CAMK2B: variants seen among roughly 807,000 people sequenced by gnomAD.
CAMK2B encodes calcium/calmodulin dependent protein kinase II beta.
A neutral mutation model predicts 93.7 loss-of-function variants in CAMK2B; 27 were observed. The observed-to-expected ratio is 0.29, with a 90% CI of 0.21 to 0.40. CAMK2B has a LOEUF of 0.40. Among genes scored for constraint, CAMK2B ranks in the 10% least tolerant of loss-of-function variants. The probability of loss-of-function intolerance (pLI) is 1.00; values close to 1 mark genes in which losing one functional copy is unlikely to be tolerated. For missense variants in CAMK2B, 568 were observed against 895.8 expected (o/e 0.63, Z 4.67); for synonymous variants, 374 against 358.8 (o/e 1.04, Z -0.48).
At position 44,237,646 on chromosome 7, in the gene CAMK2B, C is replaced by T. The variant is rs78384865; in HGVS notation, c.1021+1943G>A. Among the ~76,000 whole-genome samples the T allele has an allele frequency of 4.5e-3, 682 of 152,002 alleles. 6 individuals are homozygous for T. The highest frequency in any genetic ancestry group is 0.016 in the African/African-American group (657 of 41,436). On this transcript the variant is annotated intron_variant, in intron 13 of 23. Coordinates refer to ENST00000395749, the MANE Select transcript of CAMK2B (RefSeq NM_001220.5). ...TGCCTGGGACTAACTCCAGATTCAC[C>T]GTGGCCAGAGTCCTGTCGATGCCCA...
intron 17 of CAMK2B, 38 bp downstream of exon 17, chr7:44,230,968 C>T: frequency 6.5e-7 from 1 of 1,545,022 alleles, no homozygotes. Flanking sequence ...CCAGCAATGC[C>T]AAGGCCGCTG....
chr7:44,275,915 G>C (rs2097031907), intron 2 of CAMK2B, among the ~76,000 whole-genome samples: 1 of 152,096 alleles, frequency 6.6e-6, no homozygotes, highest in African/African-American at 2.4e-5. Flanking sequence ...GGGCAGGGGA[G>C]GGGGCGTTTC....
At chr7:44,279,663 C>G (rs529959835) in intron 2 of CAMK2B, among the ~76,000 whole-genome samples, 2 of 152,336 alleles carry the variant, frequency 1.3e-5, no homozygotes, top group African/African-American at 4.8e-5. Flanking sequence ...CAGGGCAACA[C>G]AAAGCAGCTC....
chr7:44,272,280 G>C (rs984258390), intron 2 of CAMK2B, among the ~76,000 whole-genome samples: 1 of 152,144 alleles, frequency 6.6e-6, no homozygotes, highest in Non-Finnish European at 1.5e-5. Flanking sequence ...GATCCTCTGA[G>C]GGCAGCACAA....
intron 5 of CAMK2B, among the ~76,000 whole-genome samples, chr7:44,250,753 C>T (rs2096773177): frequency 6.6e-6 from 1 of 152,184 alleles, no homozygotes; most frequent in African/African-American, 2.4e-5. Context: ...TGTTTTCGAT[C>T]TCCTGACCTT....
At chr7:44,263,758 G>T (rs2096900584) in intron 2 of CAMK2B, among the ~76,000 whole-genome samples, 1 of 152,188 alleles carries the variant, frequency 6.6e-6, no homozygotes, top group South Asian at 2.1e-4. Context: ...TTTAAAAACT[G>T]ATGGAGATTG....
chr7:44,234,962 C>G (rs1474147044), intron 13 of CAMK2B, among the ~76,000 whole-genome samples: 2 of 152,220 alleles, frequency 1.3e-5, no homozygotes, highest in African/African-American at 4.8e-5. Context: ...GGGGAGCCCC[C>G]TTGGCTTCTG....
At chr7:44,237,323 ACAG>A (rs560359293) in intron 13 of CAMK2B, among the ~76,000 whole-genome samples, 72 of 152,354 alleles carry the variant, frequency 4.7e-4, no homozygotes, top group African/African-American at 1.4e-3. Flanking sequence ...GAGATGTACC[ACAG>A]CAGCAGTGGG....
At chr7:44,232,761 C>T in intron 16 of CAMK2B, 61 bp downstream of exon 16, 5 of 1,537,022 alleles carry the variant, frequency 3.3e-6, no homozygotes, top group Admixed American at 1.7e-5. Flanking sequence ...TGCCCCAGAC[C>T]TCTCTCCTGG....
At chr7:44,219,643 A>C in intron 23 of CAMK2B, 121 bp from the exon 24 acceptor site, 1 of 196,906 alleles carries the variant, frequency 5.1e-6, no homozygotes. Flanking sequence ...CCCACTCGGG[A>C]GAGAGGTTCA....
At chr7:44,275,858 T>C (rs1443449493) in intron 2 of CAMK2B, among the ~76,000 whole-genome samples, 2 of 152,080 alleles carry the variant, frequency 1.3e-5, no homozygotes, top group Non-Finnish European at 2.9e-5. Context: ...CCCTTCCCCA[T>C]AATCCCAATT....
chr7:44,307,040 GAGGC>G, intron 1 of CAMK2B, among the ~76,000 whole-genome samples: 1 of 135,810 alleles, frequency 7.4e-6, no homozygotes, highest in Non-Finnish European at 1.6e-5. Context: ...GCAGGGAGAG[GAGGC>G]GGTGAGCAGG....
intron 20 of CAMK2B, 90 bp from the exon 21 acceptor site, chr7:44,220,991 G>A (rs939273640): frequency 7.9e-5 from 84 of 1,069,692 alleles, no homozygotes; most frequent in South Asian, 3.6e-4. Flanking sequence ...CTGGGGGAGC[G>A]CGAGCTGCAT....
chr7:44,314,662 C>G (rs1214435273), intron 1 of CAMK2B, among the ~76,000 whole-genome samples: 3 of 152,150 alleles, frequency 2.0e-5, no homozygotes, highest in African/African-American at 7.2e-5. Flanking sequence ...TTTTGAAGAC[C>G]CACCAAAGTA....
intron 6 of CAMK2B, among the ~76,000 whole-genome samples, 169 bp from the exon 7 acceptor site, chr7:44,243,696 C>T (rs2096704086): frequency 6.6e-6 from 1 of 152,092 alleles, no homozygotes; most frequent in Non-Finnish European, 1.5e-5. Context: ...GCCTTCACCC[C>T]AGAGTCCCAG....
At chr7:44,243,051 G>A (rs1266742992) in intron 8 of CAMK2B, among the ~76,000 whole-genome samples, 199 bp downstream of exon 8, 2 of 152,248 alleles carry the variant, frequency 1.3e-5, no homozygotes, top group Non-Finnish European at 2.9e-5. Context: ...CCAGGTTCAT[G>A]TGAGCAATTC....
chr7:44,237,121 T>C (rs927675801), intron 13 of CAMK2B, among the ~76,000 whole-genome samples: 3 of 152,234 alleles, frequency 2.0e-5, no homozygotes, highest in Non-Finnish European at 2.9e-5. Context: ...GGGGCCAGCA[T>C]GGCACCCTAG....
chr7:44,291,040 G>A (rs1232950208), intron 1 of CAMK2B, among the ~76,000 whole-genome samples: 1 of 152,120 alleles, frequency 6.6e-6, no homozygotes, highest in African/African-American at 2.4e-5. Flanking sequence ...TACACAATTA[G>A]GGGGCTCTTG....
intron 5 of CAMK2B, among the ~76,000 whole-genome samples, chr7:44,251,317 C>T (rs557436133): frequency 4.6e-4 from 70 of 152,320 alleles, no homozygotes; most frequent in African/African-American, 1.6e-3. Context: ...TGTGGCTATG[C>T]TTGTTGGGTA....
Sources: gnomAD v4.1 joint callset for allele counts (sites outside exome capture counted in the v4.1 genomes callset) on GRCh38, gnomAD v4.1.1 for gene constraint, MANE v1.5 for transcripts, NCBI Gene and HGNC (gene_info 2026-07-23, HGNC 2026-07-21) for gene names.